The following PRTFDC1 variants were observed in gnomAD, a reference collection of about 807,000 sequenced individuals.
PRTFDC1 encodes phosphoribosyl transferase domain containing 1, also known as phosphoribosyltransferase domain-containing protein 1.
PRTFDC1 carries 38 observed loss-of-function variants against 34.6 expected under a neutral mutation model. The ratio of observed to expected loss-of-function variants is 1.10; its 90% CI spans 0.85 to 1.44. PRTFDC1 has a LOEUF of 1.44. Among genes scored for constraint, PRTFDC1 ranks in the 40% most tolerant of loss-of-function variants. The probability of loss-of-function intolerance (pLI) is 0.00; values close to 1 mark genes in which losing one functional copy is unlikely to be tolerated. For synonymous variants in PRTFDC1, 93 were observed against 98.1 expected (o/e 0.95, Z 0.31); for missense variants, 270 against 283.0 (o/e 0.95, Z 0.33).
At chr10:24,942,242 A>G (rs3748223) in intron 2 of PRTFDC1, 88 bp downstream of exon 2, 480,052 of 1,070,728 alleles carry the variant, frequency 0.45, 111,255 homozygotes, top group Middle Eastern at 0.51. Context: ...GCAGCTCAGG[A>G]ATAGGGTCCT....
rs557447887 is a variant in PRTFDC1 at position 24,872,037 on chromosome 10, C to T, written c.366G>A (p.Gln122=). Residue 122 remains glutamine, a synonymous_variant, in exon 4 of 9, where the codon CAG becomes CAA. Transcript: ENST00000320152. ...TTGAAAGATCATCGCCTCCGATTATCTGCATCTCACCCATGGACTGGTCAT... is the reference window on the plus strand; with the variant it reads ...TTGAAAGATCATCGCCTCCGATTATTTGCATCTCACCCATGGACTGGTCAT... ...YRNDQSMGEM[Q]IIGGDDLSTL... is the part of the protein sequence containing the mutation. The T allele has an allele frequency of 6.2e-7, 1 of 1,612,044 alleles. No individual in the cohort carries two copies. Among genetic ancestry groups the T allele is most frequent in the South Asian group, 1.1e-5 (1 of 91,018 alleles).
At chr10:24,908,261 C>T in intron 3 of PRTFDC1, 1 of 491,150 alleles carries the variant, frequency 2.0e-6, no homozygotes, top group South Asian at 3.2e-5. Flanking sequence ...ATGTCATGCC[C>T]TCTGTCTTTT....
intron 2 of PRTFDC1, among the ~76,000 whole-genome samples, 188 bp from the exon 3 acceptor site, chr10:24,937,555 C>CTTT (rs35562409): frequency 1.4e-5 from 2 of 139,000 alleles, no homozygotes. Context: ...AAACATACTG[C>CTTT]TTTTTTTTTT....
At chr10:24,869,217 C>A (rs1847837376) in intron 4 of PRTFDC1, among the ~76,000 whole-genome samples, 1 of 145,364 alleles carries the variant, frequency 6.9e-6, no homozygotes, top group Non-Finnish European at 1.5e-5. Context: ...AGGCCTTTAT[C>A]TTTTTTTTTT....
intron 4 of PRTFDC1, among the ~76,000 whole-genome samples, chr10:24,865,749 C>G (rs1847763675): frequency 6.6e-6 from 1 of 152,206 alleles, no homozygotes; most frequent in African/African-American, 2.4e-5. Flanking sequence ...GATTTGCACA[C>G]CACACCGTCT....
intron 3 of PRTFDC1, among the ~76,000 whole-genome samples, chr10:24,901,854 A>C (rs1329721829): frequency 6.6e-6 from 1 of 152,366 alleles, no homozygotes; most frequent in South Asian, 2.1e-4. Flanking sequence ...CTGCATTTGC[A>C]GTGAATTTCT....
At chr10:24,938,726 A>G (rs898289761) in intron 2 of PRTFDC1, among the ~76,000 whole-genome samples, 53 of 152,210 alleles carry the variant, frequency 3.5e-4, no homozygotes, top group African/African-American at 1.2e-3. Flanking sequence ...TCAATTGACC[A>G]GAGGCTGTAC....
intron 3 of PRTFDC1, among the ~76,000 whole-genome samples, chr10:24,922,994 C>T (rs1490307306): frequency 6.6e-6 from 1 of 152,270 alleles, no homozygotes; most frequent in African/African-American, 2.4e-5. Context: ...GAGATTCCAT[C>T]CTGTCTGTGC....
chr10:24,950,316 T>G (rs571250481), intron 1 of PRTFDC1, among the ~76,000 whole-genome samples: 10 of 152,258 alleles, frequency 6.6e-5, no homozygotes, highest in African/African-American at 2.4e-4. Flanking sequence ...TTCCTTTGGA[T>G]TTTGGAATAT....
intron 2 of PRTFDC1, among the ~76,000 whole-genome samples, chr10:24,940,715 T>C (rs749218426): frequency 6.6e-5 from 10 of 152,288 alleles, no homozygotes; most frequent in Non-Finnish European, 1.0e-4. Context: ...TGAAAAGATA[T>C]GTCCACACAA....
intron 3 of PRTFDC1, among the ~76,000 whole-genome samples, chr10:24,931,574 A>G: frequency 6.6e-6 from 1 of 152,134 alleles, no homozygotes. Context: ...ATTAAAGATA[A>G]TAAGGGAATA....
intron 3 of PRTFDC1, among the ~76,000 whole-genome samples, chr10:24,896,046 A>G (rs185032884): frequency 6.3e-4 from 96 of 152,196 alleles, no homozygotes; most frequent in African/African-American, 2.2e-3. Context: ...ATGTACAGAG[A>G]AGGGCTTTTG....
chr10:24,937,629 C>A (rs1021135424), intron 2 of PRTFDC1, among the ~76,000 whole-genome samples: 4 of 149,990 alleles, frequency 2.7e-5, no homozygotes, highest in African/African-American at 9.9e-5. Context: ...ACGATCTTGG[C>A]TCACTGCAAC....
In PRTFDC1 at chr10:24,937,290, CCT is replaced by C; in HGVS notation, c.231_232del (p.Gly78LeufsTer6). On this transcript the variant is annotated frameshift_variant, in exon 3 of 9. Transcript: ENST00000320152. LOFTEE classifies it high-confidence loss of function. ...TACGAGATCAGCACAGAATTTGTAACCTCCTTTAAGCACACACAGGACCATGA... is the reference window on the plus strand; with the variant it reads ...TACGAGATCAGCACAGAATTTGTAACCCTTTAAGCACACACAGGACCATGA... 5 of 1,613,952 alleles carry C rather than the reference CCT, an allele frequency of 3.1e-6. No individual in the cohort carries two copies. Among genetic ancestry groups the C allele is most frequent in the Non-Finnish European group, 4.2e-6 (5 of 1,179,950 alleles).
intron 2 of PRTFDC1, among the ~76,000 whole-genome samples, chr10:24,940,586 C>T (rs1238874987): frequency 6.6e-6 from 1 of 152,160 alleles, no homozygotes; most frequent in Non-Finnish European, 1.5e-5. Context: ...AAAACTGAAA[C>T]CTTCATATGC....
chr10:24,878,541 G>A (rs1408786726), intron 3 of PRTFDC1, among the ~76,000 whole-genome samples: 1 of 152,186 alleles, frequency 6.6e-6, no homozygotes, highest in Non-Finnish European at 1.5e-5. Context: ...CAGAGGATGT[G>A]TGGATTTACT....
intron 4 of PRTFDC1, among the ~76,000 whole-genome samples, chr10:24,860,856 G>C (rs923315995): frequency 6.6e-6 from 1 of 152,174 alleles, no homozygotes; most frequent in African/African-American, 2.4e-5. Context: ...TTACCAATCA[G>C]ACCTATAAAC....
intron 3 of PRTFDC1, among the ~76,000 whole-genome samples, chr10:24,917,048 C>T (rs1295596995): frequency 6.6e-6 from 1 of 152,192 alleles, no homozygotes; most frequent in Non-Finnish European, 1.5e-5. Flanking sequence ...TTGCCATCCT[C>T]AGTAATTAGC....
chr10:24,908,331 A>T, intron 3 of PRTFDC1: 1 of 819,418 alleles, frequency 1.2e-6, no homozygotes, highest in Non-Finnish European at 1.8e-6. Context: ...TTTATCCAGC[A>T]TGTTTCTTTA....
Sources: gnomAD v4.1 joint callset for allele counts (sites outside exome capture counted in the v4.1 genomes callset) on GRCh38, gnomAD v4.1.1 for gene constraint, MANE v1.5 for transcripts, NCBI Gene and HGNC (gene_info 2026-07-23, HGNC 2026-07-21) for gene names.